Variants in TSPAN18 observed in about 807,000 individuals in gnomAD.
The protein encoded by TSPAN18 is tetraspanin-18.
TSPAN18 carries 14 observed loss-of-function variants against 27.3 expected under a neutral mutation model. That is an observed-to-expected ratio of 0.51 (90% CI 0.34 to 0.80). The LOEUF (loss-of-function observed/expected upper bound fraction) is 0.80. Among genes scored for constraint, TSPAN18 ranks in the 30% least tolerant of loss-of-function variants. The pLI, the probability that TSPAN18 is intolerant of heterozygous loss-of-function variation, is 0.01. For missense variants in TSPAN18, 268 were observed against 323.9 expected (o/e 0.83, Z 1.32); for synonymous variants, 143 against 136.5 (o/e 1.05, Z -0.33).
intron 2 of TSPAN18, among the ~76,000 whole-genome samples, chr11:44,791,325 C>G (rs777919012): frequency 2.0e-5 from 3 of 152,116 alleles, no homozygotes; most frequent in African/African-American, 7.2e-5. Context: ...GGGGGGTAGC[C>G]GGGGAGATAT....
intron 3 of TSPAN18, among the ~76,000 whole-genome samples, chr11:44,864,368 G>C (rs1857979725): frequency 6.6e-6 from 1 of 151,464 alleles, no homozygotes; most frequent in Non-Finnish European, 1.5e-5. Context: ...GGTTGGGGCT[G>C]CCTTACCCAG....
intron 8 of TSPAN18, among the ~76,000 whole-genome samples, chr11:44,921,733 G>A (rs1343536869): frequency 6.6e-6 from 1 of 152,228 alleles, no homozygotes; most frequent in African/African-American, 2.4e-5. Context: ...TGGTGAAGGA[G>A]CTGTTGTTTG....
chr11:44,853,993 C>T (rs572050616), intron 2 of TSPAN18, among the ~76,000 whole-genome samples: 25 of 152,230 alleles, frequency 1.6e-4, no homozygotes, highest in African/African-American at 5.3e-4. Context: ...AGCAAACCCT[C>T]GGCAATAAAA....
At chr11:44,839,361 G>A (rs947593636) in intron 2 of TSPAN18, among the ~76,000 whole-genome samples, 2 of 152,166 alleles carry the variant, frequency 1.3e-5, no homozygotes, top group African/African-American at 4.8e-5. Flanking sequence ...ACACTCCTGG[G>A]ATTAGGCCAA....
chr11:44,911,621 TC>T (rs986969933), intron 5 of TSPAN18, among the ~76,000 whole-genome samples: 1 of 152,100 alleles, frequency 6.6e-6, no homozygotes, highest in African/African-American at 2.4e-5. Flanking sequence ...AGACCCAGCC[TC>T]CCTTTCCCCC....
At chr11:44,855,215 G>A (rs967721060) in intron 2 of TSPAN18, among the ~76,000 whole-genome samples, 3 of 151,756 alleles carry the variant, frequency 2.0e-5, no homozygotes, top group African/African-American at 7.3e-5. Context: ...GGTTTAATAA[G>A]CACACTGTGC....
chr11:44,758,117 GTCTTGT>G (rs1199210278), intron 1 of TSPAN18, among the ~76,000 whole-genome samples: 9 of 152,146 alleles, frequency 5.9e-5, no homozygotes, highest in Non-Finnish European at 7.4e-5. Context: ...GGGCATCCTT[GTCTTGT>G]TCTTGATCTT....
At chr11:44,910,641 A>T (rs1379092809) in intron 5 of TSPAN18, among the ~76,000 whole-genome samples, 1 of 152,258 alleles carries the variant, frequency 6.6e-6, no homozygotes, top group African/African-American at 2.4e-5. Flanking sequence ...TTCCCCTTGT[A>T]GATATGCAAT....
intron 2 of TSPAN18, among the ~76,000 whole-genome samples, chr11:44,783,468 G>A (rs1403969681): frequency 2.7e-5 from 4 of 150,748 alleles, no homozygotes; most frequent in African/African-American, 7.3e-5. Context: ...GTGTGATCTC[G>A]GCTCACTGCA....
chr11:44,784,034 T>C (rs1856000684), intron 2 of TSPAN18, among the ~76,000 whole-genome samples: 1 of 152,160 alleles, frequency 6.6e-6, no homozygotes, highest in Non-Finnish European at 1.5e-5. Flanking sequence ...AGGGAGAGAT[T>C]GTAGTACAAT....
At chr11:44,734,213 C>G (rs776206037) in intron 1 of TSPAN18, among the ~76,000 whole-genome samples, 9 of 152,300 alleles carry the variant, frequency 5.9e-5, no homozygotes, top group South Asian at 2.1e-4. Flanking sequence ...CCTGCAGAAC[C>G]ATGAGCCAAA....
chr11:44,870,324 T>C (rs897093285), intron 3 of TSPAN18, among the ~76,000 whole-genome samples: 1 of 152,222 alleles, frequency 6.6e-6, no homozygotes. Context: ...GGACATTTCA[T>C]GTAAATGTAC....
At chr11:44,808,304 A>G (rs1450638433) in intron 2 of TSPAN18, among the ~76,000 whole-genome samples, 1 of 152,220 alleles carries the variant, frequency 6.6e-6, no homozygotes, top group Non-Finnish European at 1.5e-5. Context: ...TTCCTCCAGC[A>G]TCTTGAGGGT....
At chr11:44,921,475 A>G (rs1860132850) in intron 8 of TSPAN18, among the ~76,000 whole-genome samples, 1 of 152,168 alleles carries the variant, frequency 6.6e-6, no homozygotes. Context: ...CCTTGCAGCT[A>G]GACCATGTAA....
intron 2 of TSPAN18, among the ~76,000 whole-genome samples, chr11:44,831,942 G>A (rs1165342506): frequency 6.6e-6 from 1 of 152,152 alleles, no homozygotes; most frequent in Non-Finnish European, 1.5e-5. Flanking sequence ...GTTCTAAGCA[G>A]AGGGTGAACC....
At chr11:44,861,171 A>G (rs531519438) in intron 3 of TSPAN18, among the ~76,000 whole-genome samples, 2 of 151,952 alleles carry the variant, frequency 1.3e-5, no homozygotes, top group African/African-American at 4.8e-5. Flanking sequence ...ATGTGGCCGC[A>G]GGGCAGGCAC....
intron 3 of TSPAN18, among the ~76,000 whole-genome samples, chr11:44,867,706 G>A (rs531649560): frequency 1.3e-5 from 2 of 152,232 alleles, no homozygotes; most frequent in Admixed American, 6.5e-5. Context: ...GCTCGTTTAT[G>A]TATGTTTTAA....
intron 3 of TSPAN18, chr11:44,903,548 A>G (rs1337885148): frequency 2.2e-6 from 1 of 456,426 alleles, no homozygotes; most frequent in Admixed American, 2.3e-5. Context: ...GCAGGGAAGC[A>G]CTGGATTGAA....
chr11:44,855,480 A>C (rs35750337), intron 2 of TSPAN18, among the ~76,000 whole-genome samples: 51,225 of 152,034 alleles, frequency 0.34, 9,160 homozygotes, highest in African/African-American at 0.4. Flanking sequence ...TGGTTCTGAT[A>C]TATAAGGTGG....
Sources: allele counts gnomAD v4.1 joint callset (sites outside exome capture counted in the v4.1 genomes callset), GRCh38; gene constraint gnomAD v4.1.1; transcripts MANE v1.5; gene names NCBI Gene and HGNC (gene_info 2026-07-23, HGNC 2026-07-21).